Variants in GNA14 observed in about 807,000 individuals in gnomAD.
GNA14 encodes the protein guanine nucleotide-binding protein subunit alpha-14.
Under a neutral mutation model 42.0 loss-of-function variants are expected in GNA14, and 50 were observed. The observed-to-expected ratio is 1.19, with a 90% CI of 0.95 to 1.51. The LOEUF (loss-of-function observed/expected upper bound fraction) is 1.51. Among genes scored for constraint, GNA14 ranks in the 40% most tolerant of loss-of-function variants. The probability of loss-of-function intolerance (pLI) is 0.00; values close to 1 mark genes in which losing one functional copy is unlikely to be tolerated. For synonymous variants in GNA14, 173 were observed against 163.1 expected (o/e 1.06, Z -0.46); for missense variants, 473 against 446.2 (o/e 1.06, Z -0.54).
intron 3 of GNA14, among the ~76,000 whole-genome samples, chr9:77,432,293 C>T (rs1286639477): frequency 6.6e-6 from 1 of 152,196 alleles, no homozygotes; most frequent in East Asian, 1.9e-4. Flanking sequence ...CAAGAGGTCA[C>T]AGGCAAACCC....
At chr9:77,529,617 G>T (rs1837498432) in intron 1 of GNA14, among the ~76,000 whole-genome samples, 1 of 152,176 alleles carries the variant, frequency 6.6e-6, no homozygotes, top group Non-Finnish European at 1.5e-5. Context: ...AGGAACACTT[G>T]GAGGAGAGAA....
intron 1 of GNA14, among the ~76,000 whole-genome samples, chr9:77,577,305 TA>T (rs2131799569): frequency 6.6e-6 from 1 of 152,324 alleles, no homozygotes; most frequent in Admixed American, 6.5e-5. Context: ...CTGTACATTC[TA>T]AAGAATGAAT....
chr9:77,428,944 C>T lies in GNA14; in HGVS notation c.686G>A (p.Ser229Asn). ...VTSIIFLVAL[S>N]EYDQVLAECD... ...CTCAGCCAGGACCTGGTCATATTCA[C>T]TCAGAGCAACCAAGAAAATAATGGA... Residue 229 changes from serine (S) to asparagine (N), a missense_variant, in exon 5 of 7, where the codon AGT becomes AAT. By Grantham distance (46) the Ser-to-Asn change is conservative (BLOSUM62 1). Transcript: ENST00000341700. 6.2e-7 allele frequency: 1 copy of T among 1,614,120 alleles called. No individual in the cohort carries two copies. The highest frequency in any genetic ancestry group is 8.5e-7 in the Non-Finnish European group (1 of 1,179,978).
At chr9:77,624,919 G>A (rs1436169369) in intron 1 of GNA14, among the ~76,000 whole-genome samples, 2 of 151,926 alleles carry the variant, frequency 1.3e-5, no homozygotes, top group African/African-American at 2.4e-5. Flanking sequence ...CGAATTGACC[G>A]AAGTAGGCTT....
At chr9:77,574,618 A>T (rs764276319) in intron 1 of GNA14, among the ~76,000 whole-genome samples, 3 of 152,182 alleles carry the variant, frequency 2.0e-5, no homozygotes, top group Non-Finnish European at 2.9e-5. Flanking sequence ...TCATCAACTG[A>T]CACTGTCAGG....
intron 2 of GNA14, among the ~76,000 whole-genome samples, chr9:77,495,918 C>A (rs190609210): frequency 1.3e-5 from 2 of 152,102 alleles, no homozygotes; most frequent in Non-Finnish European, 2.9e-5. Context: ...CTTAATTGGT[C>A]GGCTTTCTTC....
chr9:77,620,111 C>T (rs1482580367), intron 1 of GNA14, among the ~76,000 whole-genome samples: 1 of 152,136 alleles, frequency 6.6e-6, no homozygotes, highest in African/African-American at 2.4e-5. Flanking sequence ...TGCACACACA[C>T]ACACACAGAG....
At chr9:77,600,616 G>C (rs1231302890) in intron 1 of GNA14, among the ~76,000 whole-genome samples, 1 of 152,166 alleles carries the variant, frequency 6.6e-6, no homozygotes, top group African/African-American at 2.4e-5. Flanking sequence ...TGAGGAATGA[G>C]AGTGTGAAAA....
At chr9:77,639,638 C>T (rs147065229) in intron 1 of GNA14, among the ~76,000 whole-genome samples, 15 of 152,330 alleles carry the variant, frequency 9.8e-5, no homozygotes, top group Non-Finnish European at 1.5e-4. Flanking sequence ...GCAGCAGCAG[C>T]GACTGGCAGG....
intron 2 of GNA14, among the ~76,000 whole-genome samples, chr9:77,470,395 A>C (rs911589425): frequency 2.0e-5 from 3 of 152,246 alleles, no homozygotes; most frequent in African/African-American, 7.2e-5. Context: ...AGCACAGGTG[A>C]GAAATGATCA....
chr9:77,637,301 T>C (rs1824197418), intron 1 of GNA14, among the ~76,000 whole-genome samples: 1 of 152,116 alleles, frequency 6.6e-6, no homozygotes, highest in Non-Finnish European at 1.5e-5. Context: ...AATATCACTG[T>C]CTCCTTTACC....
chr9:77,549,198 T>C (rs947451956), intron 1 of GNA14, among the ~76,000 whole-genome samples: 17 of 152,180 alleles, frequency 1.1e-4, no homozygotes, highest in Non-Finnish European at 1.3e-4. Flanking sequence ...CCTCCCAAAG[T>C]GCCGGGATTA....
In GNA14 at chr9:77,618,599, TATATATATATATATATA is replaced by T. The variant is rs1465385195; in HGVS notation, c.124+29054_124+29070del. On this transcript the variant is annotated intron_variant, in intron 1 of 6. Coordinates refer to ENST00000341700, the MANE Select transcript of GNA14 (RefSeq NM_004297.4). ...ACATTTGAATATATATATATATATA[TATATATATATATATATA>T]TATATTTTTTTTTTTTTTTTTTTTT... 4.8e-3 allele frequency among the ~76,000 whole-genome samples: 56 copies of T among 11,674 alleles called. 1 individual carries two copies. Among genetic ancestry groups the T allele is most frequent in the African/African-American group, 0.013 (52 of 3,970 alleles). The allele number at this position is 11,674 out of a possible 152,430, so 7.7% of individuals were successfully genotyped here.
At chr9:77,556,836 G>GT (rs566609256) in intron 1 of GNA14, among the ~76,000 whole-genome samples, 2 of 152,198 alleles carry the variant, frequency 1.3e-5, no homozygotes, top group Non-Finnish European at 2.9e-5. Context: ...TCTTTGGCAG[G>GT]TACAACTTCA....
At chr9:77,424,655 T>C (rs931626515) in intron 6 of GNA14, among the ~76,000 whole-genome samples, 9 of 152,214 alleles carry the variant, frequency 5.9e-5, no homozygotes, top group African/African-American at 1.7e-4. Context: ...AATAGTCATA[T>C]TTTAAAATGT....
At chr9:77,464,443 G>A (rs1442360490) in intron 2 of GNA14, among the ~76,000 whole-genome samples, 1 of 151,806 alleles carries the variant, frequency 6.6e-6, no homozygotes, top group Non-Finnish European at 1.5e-5. Flanking sequence ...TTAACGTGAA[G>A]ACCATCTTTA....
chr9:77,497,848 T>G (rs887124577), intron 2 of GNA14, among the ~76,000 whole-genome samples: 1 of 151,570 alleles, frequency 6.6e-6, no homozygotes, highest in African/African-American at 2.4e-5. Flanking sequence ...CCAGGTGTAA[T>G]TCTCATTTGG....
intron 1 of GNA14, among the ~76,000 whole-genome samples, chr9:77,548,943 T>C (rs1837757168): frequency 6.6e-6 from 1 of 151,686 alleles, no homozygotes; most frequent in African/African-American, 2.4e-5. Context: ...TTCTTTTTTT[T>C]TTTCTTTTTT....
intron 1 of GNA14, among the ~76,000 whole-genome samples, chr9:77,582,941 C>T (rs570264687): frequency 3.9e-4 from 60 of 152,310 alleles, no homozygotes; most frequent in South Asian, 1.9e-3. Flanking sequence ...AAACCTCACT[C>T]TGACTGGCAA....
Sources: allele counts gnomAD v4.1 joint callset (sites outside exome capture counted in the v4.1 genomes callset), GRCh38; gene constraint gnomAD v4.1.1; transcripts MANE v1.5; gene names NCBI Gene and HGNC (gene_info 2026-07-23, HGNC 2026-07-21).